Variants in PGBD5 observed in about 807,000 individuals in gnomAD.
PGBD5 encodes piggyBac transposable element-derived protein 5.
PGBD5 carries 14 observed loss-of-function variants against 47.9 expected under a neutral mutation model. That is an observed-to-expected ratio of 0.29 (90% CI 0.19 to 0.46). The LOEUF (loss-of-function observed/expected upper bound fraction) is 0.46. PGBD5 is among the 20% of genes least tolerant of loss of function. The pLI is 1.00. For synonymous variants in PGBD5, 316 were observed against 306.3 expected, an observed-to-expected ratio of 1.03 and a Z score of -0.33; for missense variants, 635 against 716.0, an observed-to-expected ratio of 0.89 and a Z score of 1.29.
rs1296476954 is a variant in PGBD5, at chr1:230,426,256, C to CACCGCCACT, written c.-329_-328insAGTGGCGGT. ...CCGCCACCGCCGCCACCACCGCCAC[C>CACCGCCACT]ACCGCCGCCGCTGCGTCTCCTCGGC... On this transcript the variant is annotated 5_prime_UTR_variant, in exon 1 of 7. Transcript: ENST00000391860. The CACCGCCACT allele has an allele frequency of 6.6e-6, 1 of 152,226 alleles. No homozygotes were observed. The highest frequency in any genetic ancestry group is 2.4e-5 in the African/African-American group (1 of 40,994). The allele number at this position is 152,226 out of a possible 1,614,324, so 9.4% of individuals were successfully genotyped here. A position where few individuals can be genotyped will look rare whatever the true frequency, so the allele number is the denominator to read the frequency against.
chr1:230,397,052 C>G (rs1657002779), intron 1 of PGBD5, among the ~76,000 whole-genome samples: 1 of 152,210 alleles, frequency 6.6e-6, no homozygotes, highest in South Asian at 2.1e-4. Context: ...GGGAGTTCAC[C>G]TGGTTTATGC....
intron 1 of PGBD5, among the ~76,000 whole-genome samples, chr1:230,414,521 A>G (rs1486952329): frequency 1.3e-5 from 2 of 152,188 alleles, no homozygotes; most frequent in African/African-American, 2.4e-5. Context: ...TACCCTTGCT[A>G]TTATTTACCT....
chr1:230,398,600 A>C (rs1657056768), intron 1 of PGBD5, among the ~76,000 whole-genome samples: 1 of 152,210 alleles, frequency 6.6e-6, no homozygotes, highest in Non-Finnish European at 1.5e-5. Context: ...GCAGAACTAG[A>C]CAGAACTAGG....
In PGBD5 at chr1:230,356,917, C is replaced by T; in HGVS notation, c.736G>A (p.Ala246Thr). The T allele has an allele frequency of 1.2e-6, 2 of 1,613,716 alleles. No individual in the cohort carries two copies. The highest frequency in any genetic ancestry group is 1.7e-6 in the Non-Finnish European group (2 of 1,179,704). Residue 246 changes from alanine (A) to threonine (T), a missense_variant, in exon 2 of 7, where the codon GCC (alanine) becomes ACC (threonine). By Grantham distance (58) the Ala-to-Thr change is moderately conservative. Transcript: ENST00000391860. ...ACCTGGGTTTGGGAAGGCCTGAAGG[C>T]AGAGTCGAAGCTGTTCTGCAGGGAG... ...LDSLQNSFDS[A>T]FRPSQTQVLH...
At chr1:230,337,962 C>T (rs1279531822) in intron 3 of PGBD5, among the ~76,000 whole-genome samples, 1 of 152,192 alleles carries the variant, frequency 6.6e-6, no homozygotes, top group African/African-American at 2.4e-5. Flanking sequence ...AATCAACTGC[C>T]TCCAGTACAG....
rs887947498 is a variant in PGBD5 at position 230,319,405 on chromosome 1, A to T, written c.*4020T>A. On this transcript the variant is annotated 3_prime_UTR_variant, in exon 7 of 7. Transcript: ENST00000391860. ...AGTGTCGTTGACTTGTTCTCGCCCC[A>T]ATCCCAGGCAAGTGGGGAAATGTTT... 8 of 152,114 alleles carry T rather than the reference A, an allele frequency of 5.3e-5. No individual in the cohort carries two copies. Among genetic ancestry groups the T allele is most frequent in the African/African-American group, 1.7e-4 (7 of 41,392 alleles). 9.4% of individuals were successfully genotyped at this position (152,114 alleles called of 1,614,324 possible). A position where few individuals can be genotyped will look rare whatever the true frequency, so the allele number is the denominator to read the frequency against.
At chr1:230,350,933 T>TCCCCGGGCTCAG in intron 3 of PGBD5, 25 bp downstream of exon 3, 2 of 1,610,326 alleles carry the variant, frequency 1.2e-6, no homozygotes, top group South Asian at 2.2e-5. Flanking sequence ...TCACCGACCC[T>TCCCCGGGCTCAG]CCCCGGGCTC....
intron 3 of PGBD5, among the ~76,000 whole-genome samples, chr1:230,337,768 C>T (rs1667349286): frequency 6.6e-6 from 1 of 152,084 alleles, no homozygotes; most frequent in East Asian, 1.9e-4. Flanking sequence ...GTATGATTCC[C>T]CTCACGGTGC....
chr1:230,419,637 C>T (rs541291261), intron 1 of PGBD5, among the ~76,000 whole-genome samples: 1 of 152,298 alleles, frequency 6.6e-6, no homozygotes, highest in African/African-American at 2.4e-5. Context: ...GTGGGCATCG[C>T]ATACCGGTTT....
rs544294650 is a variant in PGBD5, at chr1:230,344,117, C to G, written c.895-6829G>C. Among the ~76,000 whole-genome samples, 10 of 152,284 alleles carry G rather than the reference C, an allele frequency of 6.6e-5. No individual in the cohort carries two copies. In the East Asian group the frequency reaches 1.7e-3, roughly 26 times the overall value. On this transcript the variant is annotated intron_variant, in intron 3 of 6. Transcript: ENST00000391860. ...TGGCTAACACAGTGAAACCCCTTCTCTACTAAAAATACAAAAATTTAGCCG... is the reference window on the plus strand; with the variant it reads ...TGGCTAACACAGTGAAACCCCTTCTGTACTAAAAATACAAAAATTTAGCCG...
chr1:230,362,352 C>T (rs139831186), intron 1 of PGBD5: 103 of 1,367,182 alleles, frequency 7.5e-5, no homozygotes, highest in Non-Finnish European at 9.8e-5. Context: ...GCGTCGACTC[C>T]ATCCACAGCT....
rs535779222 is a variant in PGBD5 at position 230,376,912 on chromosome 1, A to G, written c.332-19591T>C. On this transcript the variant is annotated intron_variant, in intron 1 of 6. Coordinates refer to ENST00000391860, the MANE Select transcript of PGBD5 (RefSeq NM_001258311.2). ...CTTTGCTCACAAGACTGTCAGAAGG[A>G]GGCCTGGGATGGCATTTGTAAAGTG... Among the ~76,000 whole-genome samples, 3 of 152,344 alleles carry G rather than the reference A, an allele frequency of 2.0e-5. No homozygotes were observed. The South Asian group carries it at 6.2e-4, about 32-fold the overall frequency.
rs1019607583 is a variant in PGBD5, at chr1:230,379,165, C to T, written c.332-21844G>A. Among the ~76,000 whole-genome samples the T allele has an allele frequency of 2.8e-4, 42 of 152,168 alleles. 1 individual carries two copies. The highest frequency in any genetic ancestry group is 1.4e-3 in the Admixed American group (21 of 15,290). On this transcript the variant is annotated intron_variant, in intron 1 of 6. Coordinates refer to ENST00000391860, the MANE Select transcript of PGBD5 (RefSeq NM_001258311.2). ...TCCAACTCTAGGGGAGGAAAGACTG[C>T]GCCCAGCATGCCAAACCTCACCCAC...
intron 1 of PGBD5, among the ~76,000 whole-genome samples, chr1:230,374,918 G>A (rs1667987726): frequency 6.6e-6 from 1 of 152,222 alleles, no homozygotes; most frequent in African/African-American, 2.4e-5. Context: ...AGGAGCCCAT[G>A]AGGAGAGAGC....
At chr1:230,342,604 C>T (rs1667421890) in intron 3 of PGBD5, among the ~76,000 whole-genome samples, 1 of 152,180 alleles carries the variant, frequency 6.6e-6, no homozygotes, top group African/African-American at 2.4e-5. Context: ...ATGAGAGGAA[C>T]TGAGGCAGGG....
chr1:230,389,414 C>G (rs1006476626), intron 1 of PGBD5, among the ~76,000 whole-genome samples: 2 of 152,086 alleles, frequency 1.3e-5, no homozygotes, highest in African/African-American at 4.8e-5. Flanking sequence ...CTCAGGTGAT[C>G]CACCCGCCTC....
intron 1 of PGBD5, among the ~76,000 whole-genome samples, chr1:230,396,746 GA>G (rs1379028869): frequency 1.3e-5 from 2 of 152,110 alleles, no homozygotes; most frequent in South Asian, 4.2e-4. Context: ...GTACTGACAT[GA>G]GATCCCGGCA....
chr1:230,388,229 G>A (rs890220383), intron 1 of PGBD5, among the ~76,000 whole-genome samples: 1 of 152,270 alleles, frequency 6.6e-6, no homozygotes, highest in Non-Finnish European at 1.5e-5. Context: ...GAAAGGACGA[G>A]AGCGGACACG....
At chr1:230,411,289 A>G (rs1273433734) in intron 1 of PGBD5, among the ~76,000 whole-genome samples, 2 of 152,214 alleles carry the variant, frequency 1.3e-5, no homozygotes, top group Non-Finnish European at 2.9e-5. Context: ...CATCTCAAAA[A>G]AGGGCGGAGA....
Sources: gnomAD v4.1 joint callset for allele counts (sites outside exome capture counted in the v4.1 genomes callset) on GRCh38, gnomAD v4.1.1 for gene constraint, MANE v1.5 for transcripts, NCBI Gene and HGNC (gene_info 2026-07-23, HGNC 2026-07-21) for gene names.